The following MAP3K12 variants were observed in gnomAD, a reference collection of about 807,000 sequenced individuals.
MAP3K12 encodes MAPK-upstream kinase.
In MAP3K12, 14 loss-of-function variants were observed where a neutral mutation model predicts 87.5. The observed-to-expected ratio is 0.16, with a 90% confidence interval of 0.11 to 0.25. MAP3K12 has a LOEUF of 0.25. Ranked by LOEUF, MAP3K12 falls within the 10% of genes least tolerant of loss-of-function variation. The pLI is 1.00. For missense variants in MAP3K12, 802 were observed against 1,140.4 expected (o/e 0.70, Z 4.27); for synonymous variants, 469 against 452.5 (o/e 1.04, Z -0.46).
chr12:53,497,171 T>G (rs1289680893), intron 1 of MAP3K12, among the ~76,000 whole-genome samples: 1 of 152,234 alleles, frequency 6.6e-6, no homozygotes, highest in African/African-American at 2.4e-5. Flanking sequence ...CACTTGGTCT[T>G]GTTACGGGCA....
At chr12:53,488,460 G>A (rs1943300993) in intron 1 of MAP3K12, among the ~76,000 whole-genome samples, 1 of 152,146 alleles carries the variant, frequency 6.6e-6, no homozygotes. Flanking sequence ...TCAGGAATTC[G>A]AGACCAGTCT....
At chr12:53,484,448 G>A in intron 6 of MAP3K12, 83 bp from the exon 7 acceptor site, 2 of 967,348 alleles carry the variant, frequency 2.1e-6, no homozygotes, top group South Asian at 2.8e-5. Context: ...CCCAAAGTGT[G>A]TCCTGGAGAA....
At chr12:53,498,357 T>C (rs1011919548) in intron 1 of MAP3K12, among the ~76,000 whole-genome samples, 1 of 152,078 alleles carries the variant, frequency 6.6e-6, no homozygotes, top group African/African-American at 2.4e-5. Context: ...AAGGGAAATG[T>C]GTTTAGAGGG....
In MAP3K12 at chr12:53,483,408, T is replaced by C; in HGVS notation, c.1554A>G (p.Thr518=). 1 of 1,614,062 alleles carries C rather than the reference T, an allele frequency of 6.2e-7. No individual in the cohort carries two copies. Among genetic ancestry groups the C allele is most frequent in the Non-Finnish European group, 8.5e-7 (1 of 1,180,000 alleles). ...TCCTCTTCTTGATAAGCTTCTCCAT[T>C]GTGTTTCCATGCAGGAGGCCCCGGG... ...HPSRGLLHGN[T]MEKLIKKRNV... The change falls in exon 10 of 14, where the codon ACA becomes ACG. Residue 518 remains threonine (T), a synonymous_variant. Transcript: ENST00000547488.
In MAP3K12 at chr12:53,487,105, C is replaced by T. The variant is rs1343113570; in HGVS notation, c.287G>A (p.Gly96Glu). 1.9e-6 allele frequency: 3 copies of T among 1,613,938 alleles called. No homozygotes were observed. Among genetic ancestry groups the T allele is most frequent in the Non-Finnish European group, 2.5e-6 (3 of 1,179,974 alleles). The change falls in exon 2 of 14, where the codon GGG becomes GAG. Residue 96 changes from glycine to glutamate, a missense_variant. This residue lies in a region of MAP3K12 where 135 missense variants were observed against 151.6 expected (regional missense o/e 0.89). Transcript: ENST00000547488. The stretch of plus-strand genomic sequence containing the variant: ...TCTGGATGCCCGACTCTCAGGTGAC[C>T]CAGCTGCTCCCCCTGGGCCCCCTGC... ...QDAGGPGGAA[G>E]SPESRASRVR...
chr12:53,498,939 T>TGGAGATG (rs1431720194), intron 1 of MAP3K12, among the ~76,000 whole-genome samples: 1 of 7,436 alleles, frequency 1.3e-4, no homozygotes. Flanking sequence ...TGTGTGTGTG[T>TGGAGATG]GTGTGTGTGT....
intron 11 of MAP3K12, 92 bp from the exon 12 acceptor site, chr12:53,482,461 A>AGT (rs1056936406): frequency 1.2e-6 from 2 of 1,607,246 alleles, no homozygotes; most frequent in Non-Finnish European, 1.7e-6. Context: ...CGAAGGGTGA[A>AGT]GTAGGGAATG....
Position 53,486,724 on chromosome 12 carries a change from G to A in MAP3K12, c.446-102C>T. 2.1e-6 allele frequency: 3 copies of A among 1,454,666 alleles called. No individual in the cohort carries two copies. Among genetic ancestry groups the A allele is most frequent in the Non-Finnish European group, 2.7e-6 (3 of 1,108,474 alleles). The allele number at this position is 1,454,666 out of a possible 1,614,324, so 90.1% of individuals were successfully genotyped here. On this transcript the variant is annotated intron_variant, in intron 2 of 13. Coordinates refer to ENST00000547488, the MANE Select transcript of MAP3K12 (RefSeq NM_001193511.2). The surrounding 1 kb of genome is among the most constrained non-coding windows in gnomAD (Gnocchi z 4.9). ...GGCTGAATTGACTTAAGGAGGGTGA[G>A]GCAGAAAGCCAAAAATAGGCCAAGA... is the stretch of plus-strand genomic sequence containing the variant.
In MAP3K12 at chr12:53,486,847, A is replaced by C; in HGVS notation, c.445+100T>G. ...ATGGCTAAGGGACTAGGGCTGGGCCATGGGGAGGGAAGGGACCATTGCGTG... is the reference window on the plus strand; with the variant it reads ...ATGGCTAAGGGACTAGGGCTGGGCCCTGGGGAGGGAAGGGACCATTGCGTG... On this transcript the variant is annotated intron_variant, in intron 2 of 13. Coordinates refer to ENST00000547488, the MANE Select transcript of MAP3K12 (RefSeq NM_001193511.2). This position sits in a 1 kb window ranked among gnomAD's most constrained non-coding sequence, Gnocchi z 4.9. 6 of 1,558,960 alleles carry C rather than the reference A, an allele frequency of 3.8e-6. No individual in the cohort carries two copies. Among genetic ancestry groups the C allele is most frequent in the Non-Finnish European group, 5.2e-6 (6 of 1,151,034 alleles).
rs751945363 is a variant in MAP3K12, at chr12:53,482,629, C to T, written c.2174G>A (p.Arg725Gln). 8.1e-6 allele frequency: 13 copies of T among 1,613,766 alleles called. No homozygotes were observed. The highest frequency in any genetic ancestry group is 3.3e-5 in the Admixed American group (2 of 60,016). ...REGTSGRGGS[R>Q]AGSQHLTPAA... ...TGGGGTCAAGTGCTGGGACCCAGCC[C>T]GGCTTCCTCCCCGGCCTGAGGTCCC... Residue 725 changes from arginine (R) to glutamine (Q), a missense_variant, in exon 11 of 14, where the codon CGG becomes CAG. Physicochemically the swap from Arg to Gln is conservative, Grantham distance 43 (BLOSUM62 1). Coordinates refer to ENST00000547488, the MANE Select transcript of MAP3K12 (RefSeq NM_001193511.2).
upstream of MAP3K12, chr12:53,501,432 C>T (rs1943696575): frequency 6.4e-7 from 1 of 1,568,782 alleles, no homozygotes; most frequent in Non-Finnish European, 8.6e-7. Context: ...AGCAAGGCTC[C>T]GGCACTACCA....
chr12:53,498,950 G>GGAGA (rs1359059389), intron 1 of MAP3K12, among the ~76,000 whole-genome samples: 15 of 23,672 alleles, frequency 6.3e-4, no homozygotes, highest in South Asian at 1.7e-3. Context: ...GTGTGTGTGT[G>GGAGA]TGTGTGTGTG....
rs1943611915 is a variant in MAP3K12 at position 53,499,004 on chromosome 12, G to A, written c.-38+423C>T. 2.3e-5 allele frequency among the ~76,000 whole-genome samples: 3 copies of A among 129,628 alleles called. No homozygotes were observed. The Admixed American group carries it at 2.6e-4, about 11-fold the overall frequency. The allele number at this position is 129,628 out of a possible 152,430, so 85.0% of individuals were successfully genotyped here. On this transcript the variant is annotated intron_variant, in intron 1 of 13. Coordinates refer to ENST00000547488, the MANE Select transcript of MAP3K12 (RefSeq NM_001193511.2). Reference sequence around the variant, plus strand: ...TGTGTGTGTGTGTGTGTGTGTGTGTGGAGATGGTGGGTATATCAGTCCTTG... The same window carrying A: ...TGTGTGTGTGTGTGTGTGTGTGTGTAGAGATGGTGGGTATATCAGTCCTTG...
chr12:53,495,772 T>C (rs558644489), intron 1 of MAP3K12, among the ~76,000 whole-genome samples: 7 of 152,206 alleles, frequency 4.6e-5, no homozygotes, highest in Non-Finnish European at 7.4e-5. Flanking sequence ...CTTTTCTTAG[T>C]GCCCTCATGA....
chr12:53,482,763 G>C lies in MAP3K12; in HGVS notation c.2040C>G (p.Gly680=). 4 of 1,613,916 alleles carry C rather than the reference G, an allele frequency of 2.5e-6. No homozygotes were observed. The highest frequency in any genetic ancestry group is 2.5e-6 in the Non-Finnish European group (3 of 1,179,914). Residue 680 remains glycine, a synonymous_variant, in exon 11 of 14, where the codon GGC becomes GGG. Transcript: ENST00000547488. ...PARGDTPPSE[G]SAPGSTSPDS... is the part of the protein sequence containing the mutation. Reference sequence around the variant, plus strand: ...CTGGGCTGGTGGAGCCAGGGGCTGAGCCCTCACTTGGTGGGGTGTCACCCC... The same window carrying C: ...CTGGGCTGGTGGAGCCAGGGGCTGACCCCTCACTTGGTGGGGTGTCACCCC...
At chr12:53,484,176 C>T (rs1943161191) in intron 7 of MAP3K12, 81 bp downstream of exon 7, 2 of 1,422,894 alleles carry the variant, frequency 1.4e-6, no homozygotes, top group South Asian at 2.4e-5. Flanking sequence ...CCACTCAACC[C>T]ATTTCCCAGC....
At chr12:53,483,791 C>G in intron 8 of MAP3K12, 68 bp from the exon 9 acceptor site, 1 of 1,612,408 alleles carries the variant, frequency 6.2e-7, no homozygotes, top group Non-Finnish European at 8.5e-7. Flanking sequence ...ATCTCAGTCT[C>G]AGAATTCCTG....
chr12:53,483,127 C>T lies in MAP3K12; in HGVS notation c.1676G>A (p.Gly559Glu). 6.6e-7 allele frequency: 1 copy of T among 1,520,860 alleles called. No individual in the cohort carries two copies. The highest frequency in any genetic ancestry group is 8.8e-7 in the Non-Finnish European group (1 of 1,136,592). The allele number at this position is 1,520,860 out of a possible 1,614,324, so 94.2% of individuals were successfully genotyped here. A position where few individuals can be genotyped will look rare whatever the true frequency, so the allele number is the denominator to read the frequency against. The change falls in exon 11 of 14, where the codon GGG (glycine) becomes GAG (glutamate). Residue 559 changes from glycine (G) to glutamate (E), a missense_variant. Gly to Glu is a moderately conservative substitution (Grantham distance 98). Around this residue, in one of 5 missense-constraint regions of MAP3K12, gnomAD observed 490 missense variants for 496.6 expected, o/e 0.99. Coordinates refer to ENST00000547488, the MANE Select transcript of MAP3K12 (RefSeq NM_001193511.2). ...GGGGCCCTTAGGACACCCAGGAAGCCCCACCCCACTCAGGGCTGCATCTAG... is the reference window on the plus strand; with the variant it reads ...GGGGCCCTTAGGACACCCAGGAAGCTCCACCCCACTCAGGGCTGCATCTAG... ...PKLDAALSGVGLPGCPKGPPS... is the reference protein window; with the variant it reads ...PKLDAALSGVELPGCPKGPPS...
intron 1 of MAP3K12, among the ~76,000 whole-genome samples, chr12:53,488,924 G>GA (rs144423759): frequency 1.8e-5 from 2 of 113,804 alleles, no homozygotes; most frequent in Non-Finnish European, 4.1e-5. Flanking sequence ...TACTTAAAAA[G>GA]AAAAAATTAG....
Sources: gnomAD v4.1 joint callset for allele counts (sites outside exome capture counted in the v4.1 genomes callset) on GRCh38, gnomAD v4.1.1 for gene constraint, gnomAD v4.1.1 regional missense constraint, Gnocchi (gnomAD v3.1) non-coding constraint, MANE v1.5 for transcripts, NCBI Gene and HGNC (gene_info 2026-07-23, HGNC 2026-07-21) for gene names.